The following ATP13A4 variants were observed in gnomAD, a reference collection of about 807,000 sequenced individuals.
ATP13A4 encodes the protein ATPase 13A4.
In ATP13A4, 114 loss-of-function variants were observed where a neutral mutation model predicts 142.5. That is an observed-to-expected ratio of 0.80 (90% CI 0.69 to 0.93). The LOEUF (loss-of-function observed/expected upper bound fraction) is 0.93, where lower values mean the gene tolerates loss of function less well. ATP13A4 is among the 40% of genes least tolerant of loss of function. The probability of loss-of-function intolerance (pLI) is 0.00; values close to 1 mark genes in which losing one functional copy is unlikely to be tolerated. For missense variants in ATP13A4, 1,392 were observed against 1,454.0 expected (o/e 0.96, Z 0.69); for synonymous variants, 488 against 514.8 (o/e 0.95, Z 0.70).
At chr3:193,511,341 T>G (rs1266477537) in intron 2 of ATP13A4, among the ~76,000 whole-genome samples, 1 of 152,110 alleles carries the variant, frequency 6.6e-6, no homozygotes, top group African/African-American at 2.4e-5. Flanking sequence ...CCAGTATATG[T>G]CCATTTGCAA....
At position 193,467,420 on chromosome 3, in the gene ATP13A4, T is replaced by C. The variant is rs1010836869; in HGVS notation, c.1010A>G (p.Gln337Arg). 1.2e-6 allele frequency: 2 copies of C among 1,613,932 alleles called. No individual in the cohort carries two copies. The highest frequency in any genetic ancestry group is 2.7e-5 in the African/African-American group (2 of 74,924). ...KMDSSVPWKT[Q>R]SEADYKRHVL... ...ATGCCGCTTGTAATCCGCTTCACTC[T>C]GTGTTTTCCAGGGCACAGAGCTATC... Residue 337 changes from glutamine to arginine, a missense_variant, in exon 10 of 30, where the codon CAG becomes CGG. Coordinates refer to ENST00000342695, the MANE Select transcript of ATP13A4 (RefSeq NM_032279.4).
At chr3:193,590,309 C>T (rs1311193044) in intron 1 of ATP13A4, among the ~76,000 whole-genome samples, 1 of 152,000 alleles carries the variant, frequency 6.6e-6, no homozygotes, top group Non-Finnish European at 1.5e-5. Context: ...GCTGAGTCCA[C>T]CTCTGGGCGG....
At chr3:193,531,596 A>C (rs780485869) in intron 1 of ATP13A4, among the ~76,000 whole-genome samples, 8 of 152,198 alleles carry the variant, frequency 5.3e-5, no homozygotes, top group Non-Finnish European at 1.0e-4. Flanking sequence ...TCTCAACAGC[A>C]TCCAGGCTGC....
intron 1 of ATP13A4, among the ~76,000 whole-genome samples, chr3:193,518,633 A>T (rs1336583524): frequency 2.0e-5 from 3 of 152,240 alleles, no homozygotes; most frequent in Admixed American, 6.5e-5. Flanking sequence ...TAACCAAATT[A>T]ATGCAACACA....
intron 29 of ATP13A4, among the ~76,000 whole-genome samples, chr3:193,405,191 G>A (rs1049816350): frequency 6.6e-6 from 1 of 152,204 alleles, no homozygotes; most frequent in South Asian, 2.1e-4. Flanking sequence ...CTGCAAATAT[G>A]CTGAAAAAGG....
intron 1 of ATP13A4, among the ~76,000 whole-genome samples, chr3:193,539,466 G>A (rs1722765025): frequency 6.6e-6 from 1 of 152,252 alleles, no homozygotes; most frequent in Admixed American, 6.5e-5. Flanking sequence ...AAGAGGGTTT[G>A]AGACAGGATA....
intron 7 of ATP13A4, among the ~76,000 whole-genome samples, chr3:193,485,333 C>T (rs773766859): frequency 4.6e-5 from 7 of 151,424 alleles, no homozygotes; most frequent in African/African-American, 9.8e-5. Flanking sequence ...AGCAGTTACA[C>T]GTACAGGTGG....
At chr3:193,530,027 C>T (rs1467027066) in intron 1 of ATP13A4, among the ~76,000 whole-genome samples, 2 of 152,102 alleles carry the variant, frequency 1.3e-5, no homozygotes, top group African/African-American at 4.8e-5. Context: ...GTTGTTCTTC[C>T]TTATCCTGCA....
chr3:193,419,294 G>T (rs956518018), intron 25 of ATP13A4, among the ~76,000 whole-genome samples: 5 of 150,014 alleles, frequency 3.3e-5, no homozygotes, highest in African/African-American at 1.2e-4. Context: ...CTGAGTCCCT[G>T]CTGTGCCCTG....
chr3:193,532,769 A>G (rs1033738186), intron 1 of ATP13A4, among the ~76,000 whole-genome samples: 1 of 152,212 alleles, frequency 6.6e-6, no homozygotes, highest in Admixed American at 6.5e-5. Flanking sequence ...AAAAGGGTAA[A>G]TCATAAGCAT....
rs1719842057 is a variant in ATP13A4, at chr3:193,489,773, A to G, written c.695T>C (p.Met232Thr). Residue 232 changes from methionine to threonine, a missense_variant, in exon 7 of 30, where the codon ATG becomes ACG. Physicochemically the swap from Met to Thr is moderately conservative, Grantham distance 81. Transcript: ENST00000342695. ...YKEYAFAIIIMSIISISLTVY... is the reference protein window; with the variant it reads ...YKEYAFAIIITSIISISLTVY... ...TGTCAAAGATATGGAAATTATGGAC[A>G]TGATTATGATGGCAAAAGCATATTC... 5 of 1,611,002 alleles carry G rather than the reference A, an allele frequency of 3.1e-6. No homozygotes were observed. In the East Asian group the frequency reaches 1.1e-4, roughly 36 times the overall value.
chr3:193,505,493 T>C (rs956478948), intron 2 of ATP13A4, among the ~76,000 whole-genome samples: 3 of 152,180 alleles, frequency 2.0e-5, no homozygotes, highest in African/African-American at 4.8e-5. Context: ...TTGGATATAT[T>C]TGCCTTTAAG....
At chr3:193,511,245 G>T (rs918349820) in intron 2 of ATP13A4, among the ~76,000 whole-genome samples, 4 of 152,188 alleles carry the variant, frequency 2.6e-5, no homozygotes, top group Non-Finnish European at 4.4e-5. Context: ...ATTCGACAAG[G>T]GCTTGACAGA....
intron 3 of ATP13A4, 149 bp from the exon 4 acceptor site, chr3:193,493,309 G>A (rs530158478): frequency 5.6e-6 from 4 of 710,748 alleles, no homozygotes; most frequent in East Asian, 5.5e-5. Flanking sequence ...TTTACCCTTT[G>A]CTTTTCTACC....
chr3:193,429,186 G>C (rs1045635313), intron 25 of ATP13A4, among the ~76,000 whole-genome samples: 1 of 152,026 alleles, frequency 6.6e-6, no homozygotes, highest in Non-Finnish European at 1.5e-5. Flanking sequence ...GAAGCAATTA[G>C]ACCCCTTATA....
intron 1 of ATP13A4, among the ~76,000 whole-genome samples, chr3:193,546,464 G>C (rs1021863275): frequency 6.6e-6 from 1 of 152,186 alleles, no homozygotes; most frequent in African/African-American, 2.4e-5. Context: ...GGCAATACTT[G>C]TTGTCTCAGT....
intron 28 of ATP13A4, among the ~76,000 whole-genome samples, chr3:193,407,610 G>T (rs1254647586): frequency 6.6e-6 from 1 of 151,922 alleles, no homozygotes; most frequent in Non-Finnish European, 1.5e-5. Flanking sequence ...GATTTGGGGG[G>T]GTTATGAGTG....
At chr3:193,422,453 C>T (rs1715454522) in intron 25 of ATP13A4, among the ~76,000 whole-genome samples, 1 of 149,622 alleles carries the variant, frequency 6.7e-6, no homozygotes, top group Admixed American at 6.9e-5. Flanking sequence ...ATGGAACATT[C>T]TCCAGTTTAG....
intron 23 of ATP13A4, among the ~76,000 whole-genome samples, chr3:193,436,529 C>T (rs1188010212): frequency 6.6e-6 from 1 of 151,830 alleles, no homozygotes; most frequent in Non-Finnish European, 1.5e-5. Flanking sequence ...CTCACTGCAA[C>T]CTCTGCCTAC....
Sources: allele counts gnomAD v4.1 joint callset (sites outside exome capture counted in the v4.1 genomes callset), GRCh38; gene constraint gnomAD v4.1.1; transcripts MANE v1.5; gene names NCBI Gene and HGNC (gene_info 2026-07-23, HGNC 2026-07-21).